The following CD58 variants were observed in gnomAD, a reference collection of about 807,000 sequenced individuals.
CD58 encodes the protein lymphocyte function-associated antigen 3.
In CD58, 14 loss-of-function variants were observed where a neutral mutation model predicts 27.6. The observed-to-expected ratio is 0.51, with a 90% CI of 0.34 to 0.79. The LOEUF (loss-of-function observed/expected upper bound fraction) is 0.79, where lower values mean the gene tolerates loss of function less well. Among genes scored for constraint, CD58 ranks in the 30% least tolerant of loss-of-function variants. The pLI, the probability that CD58 is intolerant of heterozygous loss-of-function variation, is 0.02. For synonymous variants in CD58, 117 were observed against 103.8 expected (o/e 1.13, Z -0.77); for missense variants, 268 against 301.7 (o/e 0.89, Z 0.83).
rs753839669 is a variant in CD58, at chr1:116,527,188, ATTAG to A, written c.629-5209_629-5206del. 6.6e-6 allele frequency among the ~76,000 whole-genome samples: 1 copy of A among 152,038 alleles called. No homozygotes were observed. Reference sequence around the variant, plus strand: ...TTATTTCCTTTTCTTGTCTTATGGCATTAGTTAGTGCTTATAGTACAATACTGAA... The same window carrying A: ...TTATTTCCTTTTCTTGTCTTATGGCATTAGTGCTTATAGTACAATACTGAA... On this transcript the variant is annotated intron_variant, in intron 3 of 5. Transcript: ENST00000369489. This position sits in a 1 kb window ranked among gnomAD's most constrained non-coding sequence, Gnocchi z 4.4.
At chr1:116,543,515 C>T (rs1245087081) in intron 2 of CD58, among the ~76,000 whole-genome samples, 1 of 151,378 alleles carries the variant, frequency 6.6e-6, no homozygotes, top group Admixed American at 6.6e-5. Flanking sequence ...GAAACACTGG[C>T]ATGTGAGGCA....
intron 1 of CD58, among the ~76,000 whole-genome samples, chr1:116,545,738 C>T (rs756825998): frequency 1.1e-4 from 17 of 152,320 alleles, no homozygotes; most frequent in Non-Finnish European, 2.4e-4. Flanking sequence ...CATCTAGTAA[C>T]AGCACAGAAA....
chr1:116,564,429 CTACCCAGTACCAATT>C (rs1467166720), intron 1 of CD58, among the ~76,000 whole-genome samples: 1 of 152,264 alleles, frequency 6.6e-6, no homozygotes, highest in Non-Finnish European at 1.5e-5. Flanking sequence ...CAGTGCCCCA[CTACCCAGTACCAATT>C]TACTATATTA....
Position 116,568,276 on chromosome 1 carries a change from T to C in CD58, c.70+2627A>G, listed in dbSNP as rs184255909. Reference sequence around the variant, plus strand: ...ATAAAGAATTACAGGTGAGGTGTCATGAGATCTGAAACTCTCAAATGGTTT... The same window carrying C: ...ATAAAGAATTACAGGTGAGGTGTCACGAGATCTGAAACTCTCAAATGGTTT... On this transcript the variant is annotated intron_variant, in intron 1 of 5. Transcript: ENST00000369489. Among the ~76,000 whole-genome samples, 81 of 152,288 alleles carry C rather than the reference T, an allele frequency of 5.3e-4. 1 individual carries two copies. The highest frequency in any genetic ancestry group is 7.5e-4 in the Non-Finnish European group (51 of 68,014).
chr1:116,535,733 C>T lies in CD58; in HGVS notation c.628+232G>A, dbSNP rs1204185548. On this transcript the variant is annotated intron_variant, in intron 3 of 5. Coordinates refer to ENST00000369489, the MANE Select transcript of CD58 (RefSeq NM_001779.3). The stretch of plus-strand genomic sequence containing the variant: ...GCGGGCGCCTGTAGTCCCAGCTACT[C>T]GGGAGGCTGAGGCAGGAGAATGGCG... 5.7e-5 allele frequency among the ~76,000 whole-genome samples: 7 copies of T among 122,714 alleles called. 2 individuals carry two copies. Among genetic ancestry groups the T allele is most frequent in the Non-Finnish European group, 1.1e-4 (7 of 63,352 alleles). The allele number at this position is 122,714 out of a possible 152,430, so 80.5% of individuals were successfully genotyped here.
intron 2 of CD58, among the ~76,000 whole-genome samples, chr1:116,537,047 G>C (rs1657836250): frequency 6.6e-6 from 1 of 152,202 alleles, no homozygotes; most frequent in African/African-American, 2.4e-5. Flanking sequence ...CTTGAGGCCA[G>C]GAGTTCAAGA....
Position 116,570,819 on chromosome 1 carries a change from C to T in CD58, c.70+84G>A. The T allele has an allele frequency of 8.8e-7, 1 of 1,136,250 alleles. No homozygotes were observed. The highest frequency in any genetic ancestry group is 1.6e-5 in the African/African-American group (1 of 62,348). The allele number at this position is 1,136,250 out of a possible 1,614,324, so 70.4% of individuals were successfully genotyped here. A position where few individuals can be genotyped will look rare whatever the true frequency, so the allele number is the denominator to read the frequency against. On this transcript the variant is annotated intron_variant, in intron 1 of 5. Coordinates refer to ENST00000369489, the MANE Select transcript of CD58 (RefSeq NM_001779.3). The surrounding 1 kb of genome is among the most constrained non-coding windows in gnomAD (Gnocchi z 6.4). ...CCACCCGTCTCTGATCGGCAACCGC[C>T]TCGAGCCCGGCGCGTCCACCCAGCC... is the stretch of plus-strand genomic sequence containing the variant.
At chr1:116,555,888 C>CTT (rs75923240) in intron 1 of CD58, among the ~76,000 whole-genome samples, 24 of 147,944 alleles carry the variant, frequency 1.6e-4, no homozygotes, top group African/African-American at 5.7e-4. Flanking sequence ...TTGACTGGTA[C>CTT]TTTTTTTTTT....
intron 1 of CD58, among the ~76,000 whole-genome samples, chr1:116,569,783 G>A (rs1659068474): frequency 6.6e-6 from 1 of 151,744 alleles, no homozygotes; most frequent in Admixed American, 6.6e-5. Flanking sequence ...TGTATTTTTT[G>A]TAGAGCCGAT....
At position 116,541,524 on chromosome 1, in the gene CD58, CT is replaced by C; in HGVS notation, c.364+2786del. ...GATCATTCTGGTAGAACCAATACAACTTCCTGGTAGAGTGAATGTGGTATTC... is the reference window on the plus strand; with the variant it reads ...GATCATTCTGGTAGAACCAATACAACTCCTGGTAGAGTGAATGTGGTATTC... On this transcript the variant is annotated intron_variant, in intron 2 of 5. Transcript: ENST00000369489. This position sits in a 1 kb window ranked among gnomAD's most constrained non-coding sequence, Gnocchi z 5.3. Among the ~76,000 whole-genome samples, 1 of 152,196 alleles carries C rather than the reference CT, an allele frequency of 6.6e-6. No homozygotes were observed.
chr1:116,521,311 T>A lies in CD58; in HGVS notation c.706+595A>T, dbSNP rs539806092. Among the ~76,000 whole-genome samples the A allele has an allele frequency of 1.8e-4, 27 of 152,300 alleles. No individual in the cohort carries two copies. Among genetic ancestry groups the A allele is most frequent in the Non-Finnish European group, 3.2e-4 (22 of 68,024 alleles). On this transcript the variant is annotated intron_variant, in intron 4 of 5. Transcript: ENST00000369489. This position sits in a 1 kb window ranked among gnomAD's most constrained non-coding sequence, Gnocchi z 5.6. Reference sequence around the variant, plus strand: ...CATCAAGAATATCCACTCTTCAGAATTACAGCCTGCTCCCTGTCCTTTGGG... The same window carrying A: ...CATCAAGAATATCCACTCTTCAGAAATACAGCCTGCTCCCTGTCCTTTGGG...
chr1:116,534,093 C>A lies in CD58; in HGVS notation c.628+1872G>T. 1 of 802,246 alleles carries A rather than the reference C, an allele frequency of 1.2e-6. No individual in the cohort carries two copies. Among genetic ancestry groups the A allele is most frequent in the Non-Finnish European group, 2.2e-6 (1 of 454,798 alleles). 49.7% of individuals were successfully genotyped at this position (802,246 alleles called of 1,614,324 possible). ...CATCTGAAAAACTGTTATCTGCCATCTGAATGTTTTTATCCCCTTGTCTGG... is the reference window on the plus strand; with the variant it reads ...CATCTGAAAAACTGTTATCTGCCATATGAATGTTTTTATCCCCTTGTCTGG... On this transcript the variant is annotated intron_variant, in intron 3 of 5. Coordinates refer to ENST00000369489, the MANE Select transcript of CD58 (RefSeq NM_001779.3). The surrounding 1 kb of genome is among the most constrained non-coding windows in gnomAD (Gnocchi z 5.3).
intron 1 of CD58, among the ~76,000 whole-genome samples, chr1:116,562,197 A>C (rs1013170042): frequency 1.3e-5 from 2 of 152,362 alleles, no homozygotes; most frequent in South Asian, 4.1e-4. Context: ...GAAAATTTTA[A>C]AAAATAATAC....
Position 116,531,462 on chromosome 1 carries a change from T to C in CD58, c.628+4503A>G, listed in dbSNP as rs560221424. On this transcript the variant is annotated intron_variant, in intron 3 of 5. Coordinates refer to ENST00000369489, the MANE Select transcript of CD58 (RefSeq NM_001779.3). This position sits in a 1 kb window ranked among gnomAD's most constrained non-coding sequence, Gnocchi z 4.5. ...AAAGGCAAAAGCACACTGGTTTTAT[T>C]TTTTGTTGTTCCCATTATAAAGCAA... Among the ~76,000 whole-genome samples, 11 of 152,256 alleles carry C rather than the reference T, an allele frequency of 7.2e-5. No individual in the cohort carries two copies. The highest frequency in any genetic ancestry group is 1.3e-4 in the Non-Finnish European group (9 of 68,042).
At position 116,570,392 on chromosome 1, in the gene CD58, G is replaced by C. The variant is rs1443638248; in HGVS notation, c.70+511C>G. 6.6e-6 allele frequency among the ~76,000 whole-genome samples: 1 copy of C among 152,154 alleles called. No individual in the cohort carries two copies. Among genetic ancestry groups the C allele is most frequent in the African/African-American group, 2.4e-5 (1 of 41,434 alleles). ...AGTTGCCTACCCGCTCCTCGCTGTG[G>C]GGCGATTCTGAAAAGTCCTCTCTGC... On this transcript the variant is annotated intron_variant, in intron 1 of 5. Transcript: ENST00000369489. The surrounding 1 kb of genome is among the most constrained non-coding windows in gnomAD (Gnocchi z 6.4).
At chr1:116,514,886 T>A (rs1657027283) in intron 5 of CD58, 64 bp from the exon 6 acceptor site, 2 of 1,141,304 alleles carry the variant, frequency 1.8e-6, no homozygotes, top group Admixed American at 4.0e-5. Context: ...AGACCAGGAG[T>A]CTTAATTACC....
In CD58 at chr1:116,519,032, T is replaced by C. The variant is rs888623071; in HGVS notation, c.743+199A>G. 175 of 1,235,670 alleles carry C rather than the reference T, an allele frequency of 1.4e-4. No homozygotes were observed. Among genetic ancestry groups the C allele is most frequent in the Middle Eastern group, 4.9e-4 (2 of 4,070 alleles). The allele number at this position is 1,235,670 out of a possible 1,614,324, so 76.5% of individuals were successfully genotyped here. On this transcript the variant is annotated intron_variant, in intron 5 of 5. Transcript: ENST00000369489. The surrounding 1 kb of genome is among the most constrained non-coding windows in gnomAD (Gnocchi z 4.7). The stretch of plus-strand genomic sequence containing the variant: ...TCATTGAGAGGGTTCCAGGAAACGA[T>C]ATGCAGAGAGTGGCTAGTGCAGTGC...
chr1:116,556,655 T>A (rs1169296303), intron 1 of CD58, among the ~76,000 whole-genome samples: 1 of 152,016 alleles, frequency 6.6e-6, no homozygotes, highest in East Asian at 1.9e-4. Context: ...AAGACTCCAG[T>A]CAAGGAAGAA....
At chr1:116,543,878 G>A (rs1658070319) in intron 2 of CD58, among the ~76,000 whole-genome samples, 1 of 152,142 alleles carries the variant, frequency 6.6e-6, no homozygotes, top group African/African-American at 2.4e-5. Flanking sequence ...AGCCAAGATT[G>A]TGCCACTGCA....
Sources: allele counts gnomAD v4.1 joint callset (sites outside exome capture counted in the v4.1 genomes callset), GRCh38; gene constraint gnomAD v4.1.1; non-coding constraint Gnocchi (gnomAD v3.1); transcripts MANE v1.5; gene names NCBI Gene and HGNC (gene_info 2026-07-23, HGNC 2026-07-21).